SPECC1: variants seen among roughly 807,000 people sequenced by gnomAD.
The protein encoded by SPECC1 is cytospin-B.
A neutral mutation model predicts 104.1 loss-of-function variants in SPECC1; 62 were observed. The observed-to-expected ratio is 0.60, with a 90% confidence interval of 0.49 to 0.74. The LOEUF is 0.74. Among genes scored for constraint, SPECC1 ranks in the 30% least tolerant of loss-of-function variants. SPECC1 has a pLI of 0.00. For synonymous variants in SPECC1, 513 were observed against 501.6 expected, an observed-to-expected ratio of 1.02 and a Z score of -0.30; for missense variants, 1,306 against 1,310.5, an observed-to-expected ratio of 1.00 and a Z score of 0.05.
chr17:20,069,388 G>A (rs2046468875), intron 1 of SPECC1, among the ~76,000 whole-genome samples: 2 of 151,940 alleles, frequency 1.3e-5, no homozygotes, highest in South Asian at 4.2e-4. Context: ...GTTTGTCTTT[G>A]CTTACTTCTG....
chr17:20,270,756 G>T (rs1238921744), intron 12 of SPECC1, among the ~76,000 whole-genome samples: 1 of 151,630 alleles, frequency 6.6e-6, no homozygotes, highest in Non-Finnish European at 1.5e-5. Flanking sequence ...TTTGCAAAAG[G>T]GTGTGTTACA....
intron 9 of SPECC1, 39 bp from the exon 10 acceptor site, chr17:20,253,466 T>C (rs2039706944): frequency 1.2e-6 from 2 of 1,604,406 alleles, no homozygotes; most frequent in East Asian, 2.2e-5. Context: ...TTCTTGATGT[T>C]ATGAGCTCAC....
At chr17:20,237,329 T>C (rs1950612070) in intron 7 of SPECC1, 1 of 1,063,810 alleles carries the variant, frequency 9.4e-7, no homozygotes, top group South Asian at 3.9e-5. Context: ...TTTTTTTTTT[T>C]TTGAGACAGA....
intron 1 of SPECC1, among the ~76,000 whole-genome samples, chr17:20,022,582 A>T (rs2044437259): frequency 6.6e-6 from 1 of 152,212 alleles, no homozygotes; most frequent in African/African-American, 2.4e-5. Context: ...TTTAGTAATC[A>T]AGATATTTCA....
intron 1 of SPECC1, among the ~76,000 whole-genome samples, chr17:20,045,855 G>A (rs1350533700): frequency 1.3e-5 from 2 of 152,074 alleles, no homozygotes; most frequent in Non-Finnish European, 2.9e-5. Flanking sequence ...CACAGGTGAG[G>A]TGATGCAAAA....
intron 4 of SPECC1, among the ~76,000 whole-genome samples, chr17:20,223,792 T>A (rs1053902640): frequency 7.2e-5 from 11 of 152,362 alleles, no homozygotes; most frequent in African/African-American, 2.6e-4. Flanking sequence ...TTGAATTTTC[T>A]GTCTGAAAGA....
intron 12 of SPECC1, among the ~76,000 whole-genome samples, chr17:20,292,313 C>A (rs952344778): frequency 2.6e-5 from 4 of 151,896 alleles, no homozygotes; most frequent in Non-Finnish European, 4.4e-5. Context: ...CCCACTGCCC[C>A]ACCACCGCCT....
intron 1 of SPECC1, among the ~76,000 whole-genome samples, chr17:20,050,279 G>A (rs2045691037): frequency 6.6e-6 from 1 of 152,106 alleles, no homozygotes; most frequent in South Asian, 2.1e-4. Context: ...TAGGAGTAAG[G>A]TAGGGTGCCC....
At chr17:20,292,403 T>C (rs1370986169) in intron 12 of SPECC1, among the ~76,000 whole-genome samples, 1 of 152,060 alleles carries the variant, frequency 6.6e-6, no homozygotes, top group Non-Finnish European at 1.5e-5. Flanking sequence ...CTATCTCAGC[T>C]GACTGCAACC....
intron 2 of SPECC1, among the ~76,000 whole-genome samples, chr17:20,104,600 G>A (rs2048096937): frequency 1.3e-5 from 2 of 151,784 alleles, no homozygotes; most frequent in Non-Finnish European, 2.9e-5. Context: ...AAAATTAGCT[G>A]GGTGTGGGGG....
At chr17:20,101,014 C>A (rs867385619) in intron 2 of SPECC1, among the ~76,000 whole-genome samples, 7 of 152,178 alleles carry the variant, frequency 4.6e-5, no homozygotes, top group Admixed American at 6.5e-5. Flanking sequence ...TTTATGGCTG[C>A]ATAGTATTCC....
chr17:20,128,962 G>C (rs2049460175), intron 3 of SPECC1, among the ~76,000 whole-genome samples: 1 of 152,010 alleles, frequency 6.6e-6, no homozygotes, highest in Non-Finnish European at 1.5e-5. Flanking sequence ...GCATGATCAT[G>C]GCTCAGTGCA....
At chr17:20,225,145 GC>G (rs1158710938) in intron 4 of SPECC1, among the ~76,000 whole-genome samples, 1 of 152,150 alleles carries the variant, frequency 6.6e-6, no homozygotes, top group African/African-American at 2.4e-5. Context: ...TTTTACTGTG[GC>G]TGAGCTGGTA....
rs1455719111 is a variant in SPECC1, at chr17:20,009,971, G to A, written c.-22+547G>A. On this transcript the variant is annotated intron_variant, in intron 1 of 14. Transcript: ENST00000395527. The surrounding 1 kb of genome is among the most constrained non-coding windows in gnomAD (Gnocchi z 5.2). ...TTCCTGGCCGGGGTGACAGGGGAAGGGCTAGGGCTGCGCATCCCGGGTCAG... is the reference window on the plus strand; with the variant it reads ...TTCCTGGCCGGGGTGACAGGGGAAGAGCTAGGGCTGCGCATCCCGGGTCAG... The A allele has an allele frequency of 3.9e-5, 6 of 152,224 alleles. No individual in the cohort carries two copies. Among genetic ancestry groups the A allele is most frequent in the African/African-American group, 1.4e-4 (6 of 41,426 alleles). The allele number at this position is 152,224 out of a possible 1,614,324, so 9.4% of individuals were successfully genotyped here.
chr17:20,089,286 A>G (rs1261672410), intron 1 of SPECC1, among the ~76,000 whole-genome samples: 2 of 151,088 alleles, frequency 1.3e-5, no homozygotes, highest in Non-Finnish European at 3.0e-5. Flanking sequence ...AATGATGAAC[A>G]TGGTGCCAGT....
At chr17:20,119,743 G>A (rs888482183) in intron 3 of SPECC1, among the ~76,000 whole-genome samples, 4 of 152,120 alleles carry the variant, frequency 2.6e-5, no homozygotes, top group Non-Finnish European at 4.4e-5. Context: ...GTATTGTTTC[G>A]GTAATCATTT....
chr17:20,135,652 A>G (rs1027979135), intron 3 of SPECC1, among the ~76,000 whole-genome samples: 3 of 152,052 alleles, frequency 2.0e-5, no homozygotes, highest in Admixed American at 6.5e-5. Flanking sequence ...GAGTCTTACT[A>G]TGTTGCTCAG....
At chr17:20,221,576 A>G (rs1169308565) in intron 4 of SPECC1, among the ~76,000 whole-genome samples, 1 of 151,398 alleles carries the variant, frequency 6.6e-6, no homozygotes, top group Non-Finnish European at 1.5e-5. Context: ...AAGTTTTGTC[A>G]ATTTTGTTTA....
chr17:20,089,100 G>T (rs142245634), intron 1 of SPECC1, among the ~76,000 whole-genome samples: 3 of 152,290 alleles, frequency 2.0e-5, no homozygotes, highest in East Asian at 3.9e-4. Context: ...GGACTCAGAC[G>T]GTGTGTAAGG....
Sources: gnomAD v4.1 joint callset for allele counts (sites outside exome capture counted in the v4.1 genomes callset) on GRCh38, gnomAD v4.1.1 for gene constraint, Gnocchi (gnomAD v3.1) non-coding constraint, MANE v1.5 for transcripts, NCBI Gene and HGNC (gene_info 2026-07-23, HGNC 2026-07-21) for gene names.